CLSPN: variants seen among roughly 807,000 people sequenced by gnomAD.
CLSPN encodes claspin homolog.
A neutral mutation model predicts 156.3 loss-of-function variants in CLSPN; 85 were observed. The observed-to-expected ratio is 0.54, with a 90% CI of 0.46 to 0.65. The LOEUF is 0.65. Among genes scored for constraint, CLSPN ranks in the 30% least tolerant of loss-of-function variants. The pLI is 0.00. For missense variants in CLSPN, 1,407 were observed against 1,554.9 expected (o/e 0.90, Z 1.60); for synonymous variants, 534 against 542.4 (o/e 0.98, Z 0.22).
rs772169657 is a variant in CLSPN, at chr1:35,746,816, T to C, written c.2804A>G (p.Glu935Gly). The change falls in exon 15 of 25, where the codon GAG becomes GGG. Residue 935 changes from glutamate (E) to glycine (G), a missense_variant. Glu to Gly is a moderately conservative substitution (Grantham distance 98). Around this residue, in one of 3 missense-constraint regions of CLSPN, gnomAD observed 1,096 missense variants for 1,193.0 expected, o/e 0.92. Coordinates refer to ENST00000318121, the MANE Select transcript of CLSPN (RefSeq NM_022111.4). This position sits in a 1 kb window ranked among gnomAD's most constrained non-coding sequence, Gnocchi z 4.2. Reference sequence around the variant, plus strand: ...AAGGTTCAGAAGTTCCTCCATGTTCTCTTTCTTGTCACTCTTCCTGGGTAG... The same window carrying C: ...AAGGTTCAGAAGTTCCTCCATGTTCCCTTTCTTGTCACTCTTCCTGGGTAG... Reference protein sequence around the residue: ...KHLPRKSDKKENMEELLNLCS... With the variant: ...KHLPRKSDKKGNMEELLNLCS... The C allele has an allele frequency of 1.9e-5, 30 of 1,614,134 alleles. No individual in the cohort carries two copies. In the South Asian group the frequency reaches 3.3e-4, roughly 18 times the overall value.
rs199531426 is a variant in CLSPN, at chr1:35,764,518, A to G, written c.330T>C (p.Ser110=). The change falls in exon 3 of 25, where the codon AGT becomes AGC. Residue 110 remains serine (S), a synonymous_variant. Transcript: ENST00000318121. The part of the protein sequence containing the change: ...IKRIYKTVAD[S]DESYMEKSLY... The stretch of plus-strand genomic sequence containing the variant: ...AAGACTTTTCCATGTAACTTTCATC[A>G]CTGTCTGCCACAGTTTTGTAAATCC... The G allele has an allele frequency of 1.2e-6, 2 of 1,613,762 alleles. No homozygotes were observed. Among genetic ancestry groups the G allele is most frequent in the East Asian group, 4.5e-5 (2 of 44,858 alleles).
chr1:35,764,319 C>A lies in CLSPN; in HGVS notation c.529G>T (p.Glu177Ter). The part of the protein sequence containing the change: ...VKSKRRLEKE[E>*]RKMEKIRQLK... ...TGTCTAATTTTTTCCATTTTTCTCT[C>A]CTCTTTCTCAAGTCTTCTTTTTGAT... The change falls in exon 3 of 25, where the codon GAG becomes TAG. Residue 177 changes from glutamate (E) to a stop codon, truncating the protein, a stop_gained. Transcript: ENST00000318121. LOFTEE classifies it high-confidence loss of function. The A allele has an allele frequency of 6.3e-7, 1 of 1,594,274 alleles. No individual in the cohort carries two copies. Among genetic ancestry groups the A allele is most frequent in the East Asian group, 2.2e-5 (1 of 44,750 alleles).
At chr1:35,751,843 G>A (rs1642097798) in intron 9 of CLSPN, among the ~76,000 whole-genome samples, 1 of 152,100 alleles carries the variant, frequency 6.6e-6, no homozygotes, top group Admixed American at 6.5e-5. Flanking sequence ...GAAACGACTC[G>A]AGTAAAATGA....
chr1:35,736,845 T>G, intron 24 of CLSPN, 69 bp downstream of exon 24: 1 of 1,536,576 alleles, frequency 6.5e-7, no homozygotes, highest in Non-Finnish European at 8.8e-7. Context: ...AGAATTTTTG[T>G]TTTTAAATTT....
At chr1:35,737,289 C>G (rs1192574486) in intron 23 of CLSPN, 50 bp downstream of exon 23, 1 of 1,515,076 alleles carries the variant, frequency 6.6e-7, no homozygotes, top group African/African-American at 1.4e-5. Context: ...GGACCTGGGC[C>G]TTTATAACCT....
intron 8 of CLSPN, 143 bp downstream of exon 8, chr1:35,760,197 ACT>A (rs764166938): frequency 1.4e-5 from 9 of 630,744 alleles, no homozygotes; most frequent in Middle Eastern, 2.7e-4. Flanking sequence ...TCTAAAAAAG[ACT>A]CTGCCCATAT....
At chr1:35,755,423 C>A (rs1642241562) in intron 8 of CLSPN, among the ~76,000 whole-genome samples, 1 of 152,064 alleles carries the variant, frequency 6.6e-6, no homozygotes, top group Non-Finnish European at 1.5e-5. Flanking sequence ...TGCGTCACCA[C>A]ACCCAGCTAA....
In CLSPN at chr1:35,735,794, T is replaced by G. The variant is rs950726663; in HGVS notation, c.*702A>C. 3.5e-5 allele frequency: 34 copies of G among 985,106 alleles called. No homozygotes were observed. Among genetic ancestry groups the G allele is most frequent in the Non-Finnish European group, 4.1e-5 (34 of 829,890 alleles). 61.0% of individuals were successfully genotyped at this position (985,106 alleles called of 1,614,324 possible). ...TGTAAAGGAGTCATTATGGTACTGA[T>G]TTTCACTGTTTAATCTGTAATGTCA... On this transcript the variant is annotated 3_prime_UTR_variant, in exon 25 of 25. Transcript: ENST00000318121.
In CLSPN at chr1:35,736,761, C is replaced by T. The variant is rs374108202; in HGVS notation, c.3909+153G>A. On this transcript the variant is annotated intron_variant, in intron 24 of 24. Transcript: ENST00000318121. ...CTCGGCAAGTTTAAAAGTTGATTAC[C>T]GACTGGGGTAGCAATTCTCTTGTAC... Among the ~76,000 whole-genome samples the T allele has an allele frequency of 1.1e-3, 165 of 152,190 alleles. 4 individuals carry two copies. The South Asian group carries it at 0.024, about 22-fold the overall frequency.
At chr1:35,767,464 C>T (rs1354887286) in intron 1 of CLSPN, among the ~76,000 whole-genome samples, 1 of 152,164 alleles carries the variant, frequency 6.6e-6, no homozygotes, top group Non-Finnish European at 1.5e-5. Context: ...GGTTGAACAT[C>T]TCTAACCTGA....
intron 8 of CLSPN, among the ~76,000 whole-genome samples, chr1:35,758,174 T>TG (rs1553137292): frequency 7.5e-6 from 1 of 133,204 alleles, no homozygotes; most frequent in Non-Finnish European, 1.6e-5. Flanking sequence ...TTTTTTTGTG[T>TG]TTTTTTTTTT....
downstream of CLSPN, chr1:35,732,022 T>G (rs994759862): frequency 6.1e-6 from 2 of 329,096 alleles, no homozygotes; most frequent in African/African-American, 4.5e-5. Context: ...GCACTTGACA[T>G]AATGCACTGA....
At chr1:35,740,340 GGTCCCAT>G (rs1028608064) in intron 18 of CLSPN, among the ~76,000 whole-genome samples, 1 of 151,932 alleles carries the variant, frequency 6.6e-6, no homozygotes, top group African/African-American at 2.4e-5. Flanking sequence ...AAGTCACCTT[GGTCCCAT>G]GTGGTCCAAA....
In CLSPN at chr1:35,764,449, C is replaced by G. The variant is rs779437532; in HGVS notation, c.399G>C (p.Glu133Asp). The change falls in exon 3 of 25, where the codon GAG becomes GAC. Residue 133 changes from glutamate to aspartate, a missense_variant. Coordinates refer to ENST00000318121, the MANE Select transcript of CLSPN (RefSeq NM_022111.4). ...NLEAQVKPCLELSLQSGNSTD... is the reference protein window; with the variant it reads ...NLEAQVKPCLDLSLQSGNSTD... ...TAGAGTTTCCAGACTGAAGACTCAGCTCTAAGCAAGGTTTCACTTGCGCTT... is the reference window on the plus strand; with the variant it reads ...TAGAGTTTCCAGACTGAAGACTCAGGTCTAAGCAAGGTTTCACTTGCGCTT... The G allele has an allele frequency of 6.2e-7, 1 of 1,614,164 alleles. No homozygotes were observed. The highest frequency in any genetic ancestry group is 1.7e-5 in the Admixed American group (1 of 60,016).
intron 24 of CLSPN, among the ~76,000 whole-genome samples, chr1:35,724,986 A>G (rs752415001): frequency 3.3e-5 from 5 of 152,230 alleles, no homozygotes; most frequent in Non-Finnish European, 5.9e-5. Flanking sequence ...CAGCTGTAAA[A>G]TGACAAGGCG....
chr1:35,736,794 G>A, intron 24 of CLSPN, 120 bp downstream of exon 24: 1 of 1,317,548 alleles, frequency 7.6e-7, no homozygotes, highest in Non-Finnish European at 1.0e-6. Context: ...TACCTTATCG[G>A]GGAGTGCAAG....
chr1:35,744,233 G>A (rs1478614582), intron 16 of CLSPN, among the ~76,000 whole-genome samples: 2 of 152,150 alleles, frequency 1.3e-5, no homozygotes, highest in Admixed American at 6.5e-5. Flanking sequence ...GACTCATACA[G>A]TATTTGTCTT....
At chr1:35,758,169 T>C (rs901678964) in intron 8 of CLSPN, among the ~76,000 whole-genome samples, 1 of 150,396 alleles carries the variant, frequency 6.6e-6, no homozygotes, top group Admixed American at 6.6e-5. Context: ...GATAATTTTT[T>C]TGTGTTTTTT....
Position 35,739,534 on chromosome 1 carries a change from A to G in CLSPN, c.3144-5T>C, listed in dbSNP as rs776030590. ...TCCAGGTATTTCCTCAACCTCCTAG[A>G]AAGCAATTTTGAGGATTAGAAAATG... On this transcript the variant is annotated splice_polypyrimidine_tract_variant and splice_region_variant and intron_variant, in intron 18 of 24. Transcript: ENST00000318121. The G allele has an allele frequency of 1.9e-6, 3 of 1,608,684 alleles. No individual in the cohort carries two copies. The South Asian group carries it at 3.3e-5, about 18-fold the overall frequency.
Sources: allele counts gnomAD v4.1 joint callset (sites outside exome capture counted in the v4.1 genomes callset), GRCh38; gene constraint gnomAD v4.1.1; regional missense constraint gnomAD v4.1.1; non-coding constraint Gnocchi (gnomAD v3.1); transcripts MANE v1.5; gene names NCBI Gene and HGNC (gene_info 2026-07-23, HGNC 2026-07-21).